Variants in SPAG16 observed in about 807,000 individuals in gnomAD.
SPAG16 encodes the protein sperm-associated antigen 16 protein.
Under a neutral mutation model 80.4 loss-of-function variants are expected in SPAG16, and 86 were observed. The ratio of observed to expected loss-of-function variants is 1.07; its 90% CI spans 0.90 to 1.28. SPAG16 has a LOEUF of 1.28. SPAG16 is among the 50% of genes most tolerant of loss of function. The pLI, the probability that SPAG16 is intolerant of heterozygous loss-of-function variation, is 0.00. For synonymous variants in SPAG16, 294 were observed against 265.9 expected, an observed-to-expected ratio of 1.11 and a Z score of -1.03; for missense variants, 870 against 765.3, an observed-to-expected ratio of 1.14 and a Z score of -1.61.
intron 10 of SPAG16, among the ~76,000 whole-genome samples, chr2:213,501,238 T>C (rs2074730509): frequency 6.6e-6 from 1 of 152,206 alleles, no homozygotes; most frequent in Admixed American, 6.5e-5. Flanking sequence ...TTTGTTATGT[T>C]AAATTGGGCT....
intron 15 of SPAG16, among the ~76,000 whole-genome samples, chr2:214,387,139 C>T (rs191951863): frequency 7.9e-5 from 12 of 152,282 alleles, no homozygotes; most frequent in Admixed American, 1.3e-4. Context: ...AAGGTCATCT[C>T]CTCTGTGAAG....
chr2:214,401,235 G>C (rs1338542188), intron 15 of SPAG16, among the ~76,000 whole-genome samples: 4 of 151,846 alleles, frequency 2.6e-5, no homozygotes, highest in Non-Finnish European at 4.4e-5. Context: ...AGAAACAGCA[G>C]ATGCCTCTCC....
intron 9 of SPAG16, among the ~76,000 whole-genome samples, chr2:213,380,545 T>A (rs2067118204): frequency 6.6e-6 from 1 of 152,196 alleles, no homozygotes; most frequent in African/African-American, 2.4e-5. Context: ...GGACTGCTGC[T>A]ATGCATGACC....
intron 12 of SPAG16, among the ~76,000 whole-genome samples, chr2:213,945,286 CACACATATATAT>C (rs2079394211): frequency 7.1e-6 from 1 of 140,678 alleles, no homozygotes; most frequent in Non-Finnish European, 1.5e-5. Context: ...TACACAAACA[CACACATATATAT>C]ACACAAGTAT....
chr2:214,149,272 A>G lies in SPAG16; in HGVS notation c.1720+6A>G, dbSNP rs1279339344. On this transcript the variant is annotated splice_donor_region_variant and intron_variant, in intron 15 of 15. Coordinates refer to ENST00000331683, the MANE Select transcript of SPAG16 (RefSeq NM_024532.5). ...GGTGAATTTTGATTCATCAGGTAGG[A>G]TCATTTTTGTCTAATGTTTCTGACT... The G allele has an allele frequency of 3.2e-6, 5 of 1,552,112 alleles. 1 individual carries two copies. The South Asian group carries it at 6.0e-5, about 19-fold the overall frequency.
intron 10 of SPAG16, among the ~76,000 whole-genome samples, chr2:213,613,863 G>A (rs935988943): frequency 4.6e-5 from 7 of 152,148 alleles, no homozygotes; most frequent in African/African-American, 9.7e-5. Context: ...GGAAGTAGGC[G>A]AGAGAACACT....
At chr2:213,881,146 T>G (rs1209239656) in intron 11 of SPAG16, among the ~76,000 whole-genome samples, 1 of 152,146 alleles carries the variant, frequency 6.6e-6, no homozygotes. Flanking sequence ...TTCAGCATTG[T>G]TTTGTAGTTC....
intron 15 of SPAG16, among the ~76,000 whole-genome samples, chr2:214,180,945 T>C (rs944792372): frequency 6.6e-6 from 1 of 151,770 alleles, no homozygotes; most frequent in Admixed American, 6.6e-5. Flanking sequence ...TATTACAAAC[T>C]TCTGTTGTCT....
At chr2:213,452,676 C>T (rs950164267) in intron 9 of SPAG16, among the ~76,000 whole-genome samples, 1 of 152,200 alleles carries the variant, frequency 6.6e-6, no homozygotes, top group Non-Finnish European at 1.5e-5. Flanking sequence ...ACAAGGTGAA[C>T]AGGGACTGGG....
At chr2:214,335,483 T>TAG (rs1491044887) in intron 15 of SPAG16, among the ~76,000 whole-genome samples, 3 of 136,452 alleles carry the variant, frequency 2.2e-5, no homozygotes, top group Non-Finnish European at 3.3e-5. Flanking sequence ...TATATATATA[T>TAG]AGATATATAT....
At chr2:214,060,540 T>C (rs2050206001) in intron 13 of SPAG16, among the ~76,000 whole-genome samples, 1 of 152,134 alleles carries the variant, frequency 6.6e-6, no homozygotes, top group African/African-American at 2.4e-5. Context: ...CATAAATCTC[T>C]TGGAATGGAA....
chr2:213,921,167 G>T lies in SPAG16; in HGVS notation c.1215-8793G>T, dbSNP rs1167961217. Among the ~76,000 whole-genome samples, 5 of 152,116 alleles carry T rather than the reference G, an allele frequency of 3.3e-5. No individual in the cohort carries two copies. The East Asian group carries it at 7.7e-4, about 23-fold the overall frequency. Reference sequence around the variant, plus strand: ...TGTCAGGAGTGTGCCAATTTTCTTGGTCCCTTGGTGGCAGTTGTTCCACCT... The same window carrying T: ...TGTCAGGAGTGTGCCAATTTTCTTGTTCCCTTGGTGGCAGTTGTTCCACCT... On this transcript the variant is annotated intron_variant, in intron 11 of 15. Transcript: ENST00000331683.
intron 12 of SPAG16, among the ~76,000 whole-genome samples, chr2:213,993,661 G>A (rs946580280): frequency 7.9e-5 from 12 of 152,124 alleles, no homozygotes; most frequent in Admixed American, 3.3e-4. Flanking sequence ...GTTTTCTCAC[G>A]TAAAATTCAG....
chr2:213,911,289 C>G (rs1329918142), intron 11 of SPAG16, among the ~76,000 whole-genome samples: 1 of 152,070 alleles, frequency 6.6e-6, no homozygotes, highest in African/African-American at 2.4e-5. Flanking sequence ...TGACTACAGG[C>G]ACACACCACT....
intron 15 of SPAG16, among the ~76,000 whole-genome samples, chr2:214,230,934 G>T (rs1412751146): frequency 6.6e-6 from 1 of 151,984 alleles, no homozygotes; most frequent in Admixed American, 6.6e-5. Flanking sequence ...TCTCAAAGCT[G>T]TTGGGGAAGA....
intron 15 of SPAG16, among the ~76,000 whole-genome samples, chr2:214,249,368 T>G (rs533932011): frequency 1.3e-5 from 2 of 151,898 alleles, no homozygotes; most frequent in Non-Finnish European, 2.9e-5. Context: ...GCATAAAAGT[T>G]GACTGTTTAC....
At chr2:214,359,018 G>T (rs1299876762) in intron 15 of SPAG16, among the ~76,000 whole-genome samples, 1 of 151,718 alleles carries the variant, frequency 6.6e-6, no homozygotes, top group East Asian at 1.9e-4. Flanking sequence ...GGAAAGAAAG[G>T]ATCAGTTATT....
chr2:213,506,312 A>G (rs981686029), intron 10 of SPAG16, among the ~76,000 whole-genome samples: 2 of 152,114 alleles, frequency 1.3e-5, no homozygotes, highest in Admixed American at 6.6e-5. Context: ...CTTCTACTAG[A>G]GTATATGTGA....
chr2:214,117,749 A>G (rs2054011171), intron 14 of SPAG16, among the ~76,000 whole-genome samples: 1 of 152,238 alleles, frequency 6.6e-6, no homozygotes, highest in Admixed American at 6.5e-5. Context: ...AATGAAAGAC[A>G]AAAATTATAT....
Sources: gnomAD v4.1 joint callset for allele counts (sites outside exome capture counted in the v4.1 genomes callset) on GRCh38, gnomAD v4.1.1 for gene constraint, MANE v1.5 for transcripts, NCBI Gene and HGNC (gene_info 2026-07-23, HGNC 2026-07-21) for gene names.